The following DBF4 variants were observed in gnomAD, a reference collection of about 807,000 sequenced individuals.
DBF4 encodes protein DBF4 homolog A.
In DBF4, 25 loss-of-function variants were observed where a neutral mutation model predicts 76.6. The observed-to-expected ratio is 0.33, with a 90% CI of 0.24 to 0.46. DBF4 has a LOEUF of 0.46. DBF4 is among the 20% of genes least tolerant of loss of function. DBF4 has a pLI of 1.00. For missense variants in DBF4, 638 were observed against 760.8 expected (o/e 0.84, Z 1.90); for synonymous variants, 213 against 258.0 (o/e 0.83, Z 1.67).
At chr7:87,887,011 A>G (rs1332687446) in intron 4 of DBF4, 117 bp downstream of exon 4, 3 of 703,478 alleles carry the variant, frequency 4.3e-6, no homozygotes, top group Non-Finnish European at 7.1e-6. Flanking sequence ...CCTGAATCTC[A>G]GCATATATTT....
chr7:87,904,976 A>G, intron 11 of DBF4, among the ~76,000 whole-genome samples: 1 of 152,080 alleles, frequency 6.6e-6, no homozygotes, highest in South Asian at 2.1e-4. Flanking sequence ...ATTTTGAGAC[A>G]GTCTCGCCCT....
At position 87,908,661 on chromosome 7, in the gene DBF4, G is replaced by A. The variant is rs1839967742; in HGVS notation, c.*498G>A. On this transcript the variant is annotated 3_prime_UTR_variant, in exon 12 of 12. Coordinates refer to ENST00000265728, the MANE Select transcript of DBF4 (RefSeq NM_006716.4). ...CACTGGTGGACCATGCTAGTATTTT[G>A]GTGCTGAGTAATTAGATTATGTATA... The A allele has an allele frequency of 6.6e-6, 1 of 152,532 alleles. No homozygotes were observed. The highest frequency in any genetic ancestry group is 2.4e-5 in the African/African-American group (1 of 41,418). The allele number at this position is 152,532 out of a possible 1,614,324, so 9.4% of individuals were successfully genotyped here.
intron 6 of DBF4, among the ~76,000 whole-genome samples, chr7:87,893,541 G>A (rs1420920097): frequency 6.6e-5 from 10 of 152,118 alleles, no homozygotes; most frequent in African/African-American, 1.9e-4. Context: ...CACCGCGCCC[G>A]GCCTTCTTAT....
At chr7:87,893,024 G>C (rs1481627406) in intron 6 of DBF4, among the ~76,000 whole-genome samples, 1 of 152,152 alleles carries the variant, frequency 6.6e-6, no homozygotes, top group Admixed American at 6.5e-5. Flanking sequence ...TTGTTTACAA[G>C]TCAGTTAGAT....
At position 87,908,196 on chromosome 7, in the gene DBF4, A is replaced by G. The variant is rs150711970; in HGVS notation, c.*33A>G. On this transcript the variant is annotated 3_prime_UTR_variant, in exon 12 of 12. Transcript: ENST00000265728. ...AAAATGCATACTTTTCAGAAGTGAT[A>G]AGGATCATATTCTTGAAATTTTTAT... 2.5e-3 allele frequency: 3,766 copies of G among 1,480,820 alleles called. 71 individuals carry two copies. The African/African-American group carries it at 0.046, about 18-fold the overall frequency. 91.7% of individuals were successfully genotyped at this position (1,480,820 alleles called of 1,614,324 possible). A position where few individuals can be genotyped will look rare whatever the true frequency, so the allele number is the denominator to read the frequency against.
In DBF4 at chr7:87,876,768, A is replaced by G; in HGVS notation, c.36A>G (p.Gly12=). The G allele has an allele frequency of 6.2e-7, 1 of 1,614,106 alleles. No homozygotes were observed. Among genetic ancestry groups the G allele is most frequent in the Non-Finnish European group, 8.5e-7 (1 of 1,179,996 alleles). ...GAGCCATGAGGATCCACAGTAAAGG[A>G]CATTTCCAGGGTAAGAAGCCCCTCC... ...NSGAMRIHSK[G]HFQGGIQVKN... The change falls in exon 1 of 12, where the codon GGA becomes GGG. Residue 12 remains glycine, a synonymous_variant. Coordinates refer to ENST00000265728, the MANE Select transcript of DBF4 (RefSeq NM_006716.4).
At chr7:87,889,407 G>A (rs1486519654) in intron 6 of DBF4, among the ~76,000 whole-genome samples, 1 of 151,514 alleles carries the variant, frequency 6.6e-6, no homozygotes, top group African/African-American at 2.4e-5. Flanking sequence ...AGCCTCCCAA[G>A]TAGCTGGGAC....
Position 87,908,388 on chromosome 7 carries a change from G to GTAAT in DBF4, c.*227_*230dup, listed in dbSNP as rs1039892734. The stretch of plus-strand genomic sequence containing the variant: ...CTTGTTTTACATTATATATATGTTC[G>GTAAT]TAATTGTTTCCTGAGAATTACAATG... On this transcript the variant is annotated 3_prime_UTR_variant, in exon 12 of 12. Transcript: ENST00000265728. 7.0e-5 allele frequency: 23 copies of GTAAT among 327,052 alleles called. No homozygotes were observed. The highest frequency in any genetic ancestry group is 8.8e-4 in the Middle Eastern group (1 of 1,134). 20.3% of individuals were successfully genotyped at this position (327,052 alleles called of 1,614,324 possible). A position where few individuals can be genotyped will look rare whatever the true frequency, so the allele number is the denominator to read the frequency against.
chr7:87,888,383 T>G (rs977470399), intron 6 of DBF4: 1 of 902,456 alleles, frequency 1.1e-6, no homozygotes, highest in Non-Finnish European at 1.3e-6. Context: ...GTAATGTACT[T>G]CTTTTTGGAA....
chr7:87,884,325 A>G (rs1364379563), intron 2 of DBF4, among the ~76,000 whole-genome samples: 1 of 152,214 alleles, frequency 6.6e-6, no homozygotes, highest in Non-Finnish European at 1.5e-5. Flanking sequence ...CCAAGAGTTC[A>G]GGGCCAACCT....
Position 87,876,847 on chromosome 7 carries a change from C to T in DBF4, c.46+69C>T. On this transcript the variant is annotated intron_variant, in intron 1 of 11. Coordinates refer to ENST00000265728, the MANE Select transcript of DBF4 (RefSeq NM_006716.4). ...TCCCCTCGTGGTTCCACCATTGATT[C>T]TTCAGACTTCTCCCGCCGGGTCCTC... 3 of 1,545,548 alleles carry T rather than the reference C, an allele frequency of 1.9e-6. No homozygotes were observed. In the East Asian group the frequency reaches 6.8e-5, roughly 35 times the overall value.
chr7:87,886,747 T>C (rs1195126132), intron 3 of DBF4, 97 bp from the exon 4 acceptor site: 1 of 747,822 alleles, frequency 1.3e-6, no homozygotes, highest in African/African-American at 1.8e-5. Flanking sequence ...AACTTTTTAA[T>C]ATGAGACCCA....
In DBF4 at chr7:87,907,321, C is replaced by G; in HGVS notation, c.1183C>G (p.Gln395Glu). Residue 395 changes from glutamine to glutamate, a missense_variant, in exon 12 of 12, where the codon CAG (glutamine) becomes GAG (glutamate). Physicochemically the swap from Gln to Glu is conservative, Grantham distance 29. Transcript: ENST00000265728. ...CQEDDTTVKE[Q>E]NFLYKETQET... ...GGAAGATGATACAACAGTGAAGGAG[C>G]AGAATTTCCTGTATAAAGAGACCCA... 4 of 1,613,908 alleles carry G rather than the reference C, an allele frequency of 2.5e-6. No individual in the cohort carries two copies. The highest frequency in any genetic ancestry group is 1.7e-4 in the Middle Eastern group (1 of 6,060).
chr7:87,906,764 TGAA>T (rs757616481), intron 11 of DBF4, among the ~76,000 whole-genome samples: 32 of 152,268 alleles, frequency 2.1e-4, no homozygotes, highest in Non-Finnish European at 4.0e-4. Flanking sequence ...CTAAGTAAAA[TGAA>T]GAGTAAAATG....
At chr7:87,896,944 G>A (rs1839655779) in intron 7 of DBF4, among the ~76,000 whole-genome samples, 1 of 152,196 alleles carries the variant, frequency 6.6e-6, no homozygotes, top group African/African-American at 2.4e-5. Context: ...AAAGTCGCAG[G>A]TACTGCGAAT....
chr7:87,908,188 G>C lies in DBF4; in HGVS notation c.*25G>C, dbSNP rs1224817908. On this transcript the variant is annotated 3_prime_UTR_variant, in exon 12 of 12. Coordinates refer to ENST00000265728, the MANE Select transcript of DBF4 (RefSeq NM_006716.4). ...GAATTTAAAAAATGCATACTTTTCA[G>C]AAGTGATAAGGATCATATTCTTGAA... is the stretch of plus-strand genomic sequence containing the variant. 1 of 1,511,274 alleles carries C rather than the reference G, an allele frequency of 6.6e-7. No homozygotes were observed. Among genetic ancestry groups the C allele is most frequent in the East Asian group, 2.3e-5 (1 of 43,468 alleles). 93.6% of individuals were successfully genotyped at this position (1,511,274 alleles called of 1,614,324 possible). A position where few individuals can be genotyped will look rare whatever the true frequency, so the allele number is the denominator to read the frequency against.
chr7:87,888,268 C>T (rs538756072), intron 6 of DBF4: 113 of 984,014 alleles, frequency 1.1e-4, no homozygotes, highest in Non-Finnish European at 1.3e-4. Flanking sequence ...GCATAGGTCG[C>T]TTCCTCAGCC....
chr7:87,891,178 T>C (rs1046244930), intron 6 of DBF4, among the ~76,000 whole-genome samples: 48 of 151,672 alleles, frequency 3.2e-4, no homozygotes, highest in African/African-American at 9.9e-4. Context: ...TTTTCTTTTT[T>C]TTTTTTTTTT....
intron 8 of DBF4, 59 bp downstream of exon 8, chr7:87,897,398 T>G (rs1347046855): frequency 6.6e-7 from 1 of 1,506,356 alleles, no homozygotes; most frequent in Non-Finnish European, 9.2e-7. Context: ...GAAAATCACC[T>G]AACTAATTAG....
Sources: gnomAD v4.1 joint callset for allele counts (sites outside exome capture counted in the v4.1 genomes callset) on GRCh38, gnomAD v4.1.1 for gene constraint, MANE v1.5 for transcripts, NCBI Gene and HGNC (gene_info 2026-07-23, HGNC 2026-07-21) for gene names.